Variants in HEXB observed in about 807,000 individuals in gnomAD.
The protein encoded by HEXB is beta-hexosaminidase subunit beta.
A neutral mutation model predicts 71.2 loss-of-function variants in HEXB; 51 were observed. The ratio of observed to expected loss-of-function variants is 0.72; its 90% CI spans 0.57 to 0.90. The LOEUF is 0.90. Ranked by LOEUF, HEXB falls within the 40% of genes least tolerant of loss-of-function variation. HEXB has a pLI of 0.00. For synonymous variants in HEXB, 266 were observed against 249.3 expected (o/e 1.07, Z -0.63); for missense variants, 617 against 677.0 (o/e 0.91, Z 0.98).
intron 1 of HEXB, among the ~76,000 whole-genome samples, chr5:74,653,569 C>A (rs901715995): frequency 4.6e-5 from 7 of 152,166 alleles, no homozygotes; most frequent in Non-Finnish European, 1.0e-4. Context: ...TTAAATACAT[C>A]CTCTCTCTTT....
chr5:74,681,089 A>G (rs1307968724), upstream of HEXB, among the ~76,000 whole-genome samples: 1 of 152,200 alleles, frequency 6.6e-6, no homozygotes, highest in Non-Finnish European at 1.5e-5. Flanking sequence ...TGGAGCCTCA[A>G]CATAGTCCTC....
At chr5:74,658,692 G>A (rs1455755754) in intron 1 of HEXB, among the ~76,000 whole-genome samples, 1 of 152,090 alleles carries the variant, frequency 6.6e-6, no homozygotes, top group Non-Finnish European at 1.5e-5. Context: ...TGTGTCCTAG[G>A]AATGACAGAA....
chr5:74,709,821 G>A (rs919592066), intron 6 of HEXB, among the ~76,000 whole-genome samples: 15 of 152,170 alleles, frequency 9.9e-5, no homozygotes, highest in Non-Finnish European at 1.5e-5. Flanking sequence ...AAAGAGTCCA[G>A]GACCAGATGG....
intron 1 of HEXB, among the ~76,000 whole-genome samples, chr5:74,678,552 T>G (rs1222736325): frequency 6.6e-6 from 1 of 151,854 alleles, no homozygotes; most frequent in Non-Finnish European, 1.5e-5. Flanking sequence ...TTACCTTAAC[T>G]ATGCACAAAA....
chr5:74,720,519 G>A lies in HEXB; in HGVS notation c.1508+1G>A, dbSNP rs758459585. 2 of 1,607,928 alleles carry A rather than the reference G, an allele frequency of 1.2e-6. No homozygotes were observed. The highest frequency in any genetic ancestry group is 1.7e-6 in the Non-Finnish European group (2 of 1,174,334). On this transcript the variant is annotated splice_donor_variant, in intron 12 of 13. Coordinates refer to ENST00000261416, the MANE Select transcript of HEXB (RefSeq NM_000521.4). LOFTEE classifies it high-confidence loss of function. ...CAACTAACCTCACTCCAAGATTATG[G>A]TATGGGATTTACCTGATAACATTTA...
intron 1 of HEXB, among the ~76,000 whole-genome samples, chr5:74,674,001 C>A (rs1748585675): frequency 6.6e-6 from 1 of 152,038 alleles, no homozygotes; most frequent in African/African-American, 2.4e-5. Flanking sequence ...TGAGGATGAA[C>A]CACCCAGAAA....
At chr5:74,717,902 C>T (rs1749715920) in intron 9 of HEXB, among the ~76,000 whole-genome samples, 1 of 152,112 alleles carries the variant, frequency 6.6e-6, no homozygotes, top group African/African-American at 2.4e-5. Flanking sequence ...GTAACTGTTA[C>T]ATGTAATTTA....
At chr5:74,671,798 C>T (rs73115190) in intron 1 of HEXB, among the ~76,000 whole-genome samples, 78 of 152,228 alleles carry the variant, frequency 5.1e-4, no homozygotes, top group African/African-American at 1.8e-3. Flanking sequence ...TCAAAGCTCT[C>T]AAGATGAGCC....
chr5:74,644,021 C>G (rs566245466), intron 1 of HEXB, among the ~76,000 whole-genome samples: 15 of 152,348 alleles, frequency 9.8e-5, no homozygotes, highest in Admixed American at 3.9e-4. Context: ...GAGGGGCCAA[C>G]TGCCCACCAA....
At position 74,674,535 on chromosome 5, in the gene HEXB, C is replaced by T. The variant is rs905341210; in HGVS notation, c.-376-14793C>T. On this transcript the variant is annotated intron_variant, in intron 1 of 13. Transcript: ENST00000511181. ...AGGAGAATGGCGTGAACCCGGGAGG[C>T]GGAGCTTGCAGTGAGCTGAGATTGC... 1.5e-4 allele frequency among the ~76,000 whole-genome samples: 22 copies of T among 144,554 alleles called. No homozygotes were observed. In the Admixed American group the frequency reaches 1.6e-3, roughly 10 times the overall value. The allele number at this position is 144,554 out of a possible 152,430, so 94.8% of individuals were successfully genotyped here.
intron 1 of HEXB, among the ~76,000 whole-genome samples, chr5:74,643,671 A>G (rs1306197947): frequency 6.6e-6 from 1 of 152,216 alleles, no homozygotes; most frequent in East Asian, 1.9e-4. Context: ...TAAATGTATT[A>G]GCTGCCTTCA....
chr5:74,641,364 C>T lies in HEXB; in HGVS notation c.-377+806C>T, dbSNP rs994694642. The T allele has an allele frequency of 6.6e-6, 1 of 152,402 alleles. No individual in the cohort carries two copies. Among genetic ancestry groups the T allele is most frequent in the Non-Finnish European group, 1.5e-5 (1 of 68,206 alleles). The allele number at this position is 152,402 out of a possible 1,614,324, so 9.4% of individuals were successfully genotyped here. ...GAGCCAAAGAGACTCCAGCCCCAGG[C>T]ATTTCCTATGTGTCCTCCCTCCCCA... On this transcript the variant is annotated intron_variant, in intron 1 of 13. Coordinates refer to the HEXB transcript ENST00000511181. The surrounding 1 kb of genome is among the most constrained non-coding windows in gnomAD (Gnocchi z 4.1).
intron 1 of HEXB, chr5:74,640,587 G>A (rs1747825312): frequency 6.6e-6 from 1 of 152,376 alleles, no homozygotes; most frequent in Non-Finnish European, 1.5e-5. Context: ...GCCACTGCAG[G>A]CGCCGCGGAA....
intron 1 of HEXB, among the ~76,000 whole-genome samples, chr5:74,647,800 C>G (rs1248289070): frequency 6.6e-6 from 1 of 152,188 alleles, no homozygotes; most frequent in Non-Finnish European, 1.5e-5. Flanking sequence ...CCACAGTTAT[C>G]TGAGAAATTG....
At chr5:74,716,897 A>G (rs1749684468) in intron 9 of HEXB, 4 of 396,034 alleles carry the variant, frequency 1.0e-5, no homozygotes, top group Non-Finnish European at 1.9e-5. Flanking sequence ...CTGTTCTAAA[A>G]ACTCAGATTG....
chr5:74,699,160 G>GGTAGT (rs1749189815), intron 5 of HEXB, among the ~76,000 whole-genome samples: 1 of 151,882 alleles, frequency 6.6e-6, no homozygotes, highest in South Asian at 2.1e-4. Context: ...CTCCAGCCTG[G>GGTAGT]GCAACAGAGC....
intron 5 of HEXB, among the ~76,000 whole-genome samples, chr5:74,702,418 G>A (rs1234013428): frequency 6.6e-6 from 1 of 152,090 alleles, no homozygotes; most frequent in East Asian, 1.9e-4. Context: ...AAGAGTATAG[G>A]CCAGTTGCTT....
At chr5:74,693,179 AGCGACACCTAGG>A (rs1209654013) in intron 2 of HEXB, among the ~76,000 whole-genome samples, 1 of 152,220 alleles carries the variant, frequency 6.6e-6, no homozygotes, top group African/African-American at 2.4e-5. Context: ...AGTAGATTTG[AGCGACACCTAGG>A]GCGTTACCAA....
chr5:74,716,543 G>A, intron 8 of HEXB, 44 bp from the exon 9 acceptor site: 1 of 1,145,880 alleles, frequency 8.7e-7, no homozygotes, highest in Middle Eastern at 2.7e-4. Context: ...AATAAACTGA[G>A]CATATCAAAC....
Sources: gnomAD v4.1 joint callset for allele counts (sites outside exome capture counted in the v4.1 genomes callset) on GRCh38, gnomAD v4.1.1 for gene constraint, Gnocchi (gnomAD v3.1) non-coding constraint, MANE v1.5 for transcripts, NCBI Gene and HGNC (gene_info 2026-07-23, HGNC 2026-07-21) for gene names.